The following NDUFAF2 variants were observed in gnomAD, a reference collection of about 807,000 sequenced individuals.
The protein encoded by NDUFAF2 is NADH:ubiquinone oxidoreductase complex assembly factor 2.
In NDUFAF2, 13 loss-of-function variants were observed where a neutral mutation model predicts 22.8. The observed-to-expected ratio is 0.57, with a 90% CI of 0.37 to 0.91. NDUFAF2 has a LOEUF of 0.91. Ranked by LOEUF, NDUFAF2 falls within the 40% of genes least tolerant of loss-of-function variation. The pLI is 0.01. For synonymous variants in NDUFAF2, 53 were observed against 64.2 expected (o/e 0.83, Z 0.84); for missense variants, 162 against 195.2 (o/e 0.83, Z 1.01).
At chr5:61,002,214 C>T (rs965879209) in intron 1 of NDUFAF2, among the ~76,000 whole-genome samples, 1 of 152,162 alleles carries the variant, frequency 6.6e-6, no homozygotes, top group African/African-American at 2.4e-5. Flanking sequence ...AAACAGGTCT[C>T]CTTTCAGTTA....
intron 2 of NDUFAF2, among the ~76,000 whole-genome samples, chr5:61,076,227 C>T (rs1411066752): frequency 3.3e-5 from 5 of 152,136 alleles, no homozygotes; most frequent in South Asian, 2.1e-4. Flanking sequence ...CCCGCCACCA[C>T]GCCCGGCTAA....
chr5:61,053,228 T>C (rs919452133), intron 1 of NDUFAF2, among the ~76,000 whole-genome samples: 6 of 152,260 alleles, frequency 3.9e-5, no homozygotes, highest in African/African-American at 1.4e-4. Flanking sequence ...CCCAGCACTG[T>C]TGCATAAGAA....
chr5:61,106,687 C>A lies in NDUFAF2; in HGVS notation c.258+7655C>A, dbSNP rs1019498341. ...TGCCCATTAACCATTCCCACCCCCCCTAACACCCAGACTACCCTTCCCAGC... is the reference window on the plus strand; with the variant it reads ...TGCCCATTAACCATTCCCACCCCCCATAACACCCAGACTACCCTTCCCAGC... On this transcript the variant is annotated intron_variant, in intron 3 of 3. Coordinates refer to ENST00000296597, the MANE Select transcript of NDUFAF2 (RefSeq NM_174889.5). Among the ~76,000 whole-genome samples, 3 of 150,944 alleles carry A rather than the reference C, an allele frequency of 2.0e-5. 1 individual carries two copies. Among genetic ancestry groups the A allele is most frequent in the African/African-American group, 7.4e-5 (3 of 40,460 alleles).
rs575515302 is a variant in NDUFAF2 at position 61,106,841 on chromosome 5, T to G, written c.258+7809T>G. On this transcript the variant is annotated intron_variant, in intron 3 of 3. Transcript: ENST00000296597. ...AAATAATGACCTCCAGTTCTATCCA[T>G]GTTGTTGCAAATGGCAGGATCTCAT... is the stretch of plus-strand genomic sequence containing the variant. Among the ~76,000 whole-genome samples, 50 of 151,290 alleles carry G rather than the reference T, an allele frequency of 3.3e-4. 2 individuals carry two copies. Among genetic ancestry groups the G allele is most frequent in the African/African-American group, 1.2e-3 (48 of 40,672 alleles).
chr5:60,999,177 A>G (rs186166830), intron 1 of NDUFAF2, among the ~76,000 whole-genome samples: 1 of 151,864 alleles, frequency 6.6e-6, no homozygotes, highest in Admixed American at 6.6e-5. Flanking sequence ...TTGTTCCTCA[A>G]GTTAAACATT....
intron 1 of NDUFAF2, among the ~76,000 whole-genome samples, chr5:61,026,147 C>T (rs1160238934): frequency 6.6e-6 from 1 of 152,016 alleles, no homozygotes; most frequent in African/African-American, 2.4e-5. Flanking sequence ...TTTTGACACT[C>T]AGTTAGAAAT....
chr5:61,036,989 A>C (rs726824), intron 1 of NDUFAF2, among the ~76,000 whole-genome samples: 2 of 151,708 alleles, frequency 1.3e-5, no homozygotes, highest in African/African-American at 2.4e-5. Context: ...CACCATCCTA[A>C]ATTTTTTTTC....
At chr5:61,118,048 T>C (rs1480172775) in intron 3 of NDUFAF2, among the ~76,000 whole-genome samples, 1 of 152,214 alleles carries the variant, frequency 6.6e-6, no homozygotes, top group Non-Finnish European at 1.5e-5. Context: ...TCTCTCTTTC[T>C]ATATGGAGTC....
At chr5:61,048,312 C>T (rs879649980) in intron 1 of NDUFAF2, among the ~76,000 whole-genome samples, 4 of 152,244 alleles carry the variant, frequency 2.6e-5, no homozygotes, top group Non-Finnish European at 4.4e-5. Flanking sequence ...TATTATTTCT[C>T]GCTAACTAAC....
intron 1 of NDUFAF2, among the ~76,000 whole-genome samples, chr5:61,000,100 T>C (rs1751277935): frequency 6.6e-6 from 1 of 152,130 alleles, no homozygotes; most frequent in African/African-American, 2.4e-5. Context: ...AGGAGTTTAA[T>C]AAAATCTTCA....
At chr5:60,991,636 A>C (rs1328014372) in intron 1 of NDUFAF2, among the ~76,000 whole-genome samples, 1 of 152,016 alleles carries the variant, frequency 6.6e-6, no homozygotes, top group Non-Finnish European at 1.5e-5. Flanking sequence ...TGACAGTATC[A>C]CCTTTTTTTA....
chr5:61,032,721 T>A (rs1751744215), intron 1 of NDUFAF2, among the ~76,000 whole-genome samples: 1 of 152,184 alleles, frequency 6.6e-6, no homozygotes, highest in Non-Finnish European at 1.5e-5. Flanking sequence ...CTTTTTTGGT[T>A]CCATGTGAAC....
chr5:61,084,100 G>A (rs1380916466), intron 2 of NDUFAF2, among the ~76,000 whole-genome samples: 1 of 151,626 alleles, frequency 6.6e-6, no homozygotes, highest in Non-Finnish European at 1.5e-5. Flanking sequence ...TTAGCTGTAA[G>A]GTTTTTTAGA....
At chr5:61,136,909 A>G (rs1379055783) in intron 3 of NDUFAF2, among the ~76,000 whole-genome samples, 1 of 152,194 alleles carries the variant, frequency 6.6e-6, no homozygotes, top group African/African-American at 2.4e-5. Flanking sequence ...TGCCCATTAT[A>G]TAAGGTGAAT....
At chr5:61,085,708 T>C (rs1167866496) in intron 2 of NDUFAF2, among the ~76,000 whole-genome samples, 1 of 152,178 alleles carries the variant, frequency 6.6e-6, no homozygotes, top group Non-Finnish European at 1.5e-5. Context: ...TACATAATAA[T>C]ACCAAACAAT....
At chr5:61,053,768 T>A (rs1481848461) in intron 1 of NDUFAF2, among the ~76,000 whole-genome samples, 1 of 152,052 alleles carries the variant, frequency 6.6e-6, no homozygotes, top group Non-Finnish European at 1.5e-5. Flanking sequence ...CAGAATACAA[T>A]ATGGTTAGGT....
intron 1 of NDUFAF2, among the ~76,000 whole-genome samples, chr5:61,072,020 A>G (rs1752305522): frequency 1.3e-5 from 2 of 152,188 alleles, no homozygotes; most frequent in African/African-American, 4.8e-5. Context: ...TTCTCATTCC[A>G]TTCTTGACTT....
chr5:61,026,287 T>A (rs1264618840), intron 1 of NDUFAF2, among the ~76,000 whole-genome samples: 1 of 151,970 alleles, frequency 6.6e-6, no homozygotes, highest in Non-Finnish European at 1.5e-5. Context: ...GAGGCTAGCA[T>A]TTTTCCTCAG....
intron 1 of NDUFAF2, among the ~76,000 whole-genome samples, chr5:60,950,458 T>A (rs897795943): frequency 1.3e-5 from 2 of 152,174 alleles, no homozygotes; most frequent in Non-Finnish European, 2.9e-5. Context: ...GTGCTGGGAT[T>A]ACAGGCATGA....
Sources: gnomAD v4.1 joint callset for allele counts (sites outside exome capture counted in the v4.1 genomes callset) on GRCh38, gnomAD v4.1.1 for gene constraint, MANE v1.5 for transcripts, NCBI Gene and HGNC (gene_info 2026-07-23, HGNC 2026-07-21) for gene names.